TNRC6B: variants seen among roughly 807,000 people sequenced by gnomAD.
TNRC6B encodes the protein trinucleotide repeat-containing gene 6B protein.
Under a neutral mutation model 203.6 loss-of-function variants are expected in TNRC6B, and 52 were observed. The observed-to-expected ratio is 0.26, with a 90% confidence interval of 0.20 to 0.32. TNRC6B has a LOEUF of 0.32. Ranked by LOEUF, TNRC6B falls within the 10% of genes least tolerant of loss-of-function variation. The pLI, the probability that TNRC6B is intolerant of heterozygous loss-of-function variation, is 1.00. For missense variants in TNRC6B, 1,923 were observed against 2,286.2 expected (o/e 0.84, Z 3.24); for synonymous variants, 838 against 845.7 (o/e 0.99, Z 0.16).
At chr22:40,299,913 C>T (rs988849543) in intron 12 of TNRC6B, among the ~76,000 whole-genome samples, 12 of 152,232 alleles carry the variant, frequency 7.9e-5, no homozygotes, top group African/African-American at 2.4e-4. Flanking sequence ...GGGAGAAGGA[C>T]CCTGCCGGGT....
intron 12 of TNRC6B, among the ~76,000 whole-genome samples, chr22:40,293,113 C>T (rs2070890136): frequency 6.6e-6 from 1 of 151,606 alleles, no homozygotes; most frequent in Non-Finnish European, 1.5e-5. Context: ...ATTCTACTAC[C>T]AGGTCTACTG....
upstream of TNRC6B, among the ~76,000 whole-genome samples, chr22:40,173,797 T>TATATATATATATATAA (rs2069029070): frequency 2.3e-5 from 1 of 43,280 alleles, no homozygotes; most frequent in Non-Finnish European, 4.0e-5. Context: ...ATATATATTT[T>TATATATATATATATAA]TTTTTTTTTT....
At chr22:40,170,793 GTATA>G (rs1263910889) in intron 4 of TNRC6B, among the ~76,000 whole-genome samples, 14 of 58,610 alleles carry the variant, frequency 2.4e-4, no homozygotes, top group South Asian at 6.9e-4. Context: ...ATATATGTGT[GTATA>G]TATACATATA....
chr22:40,208,455 A>G (rs2069516124), intron 1 of TNRC6B, among the ~76,000 whole-genome samples: 1 of 152,250 alleles, frequency 6.6e-6, no homozygotes, highest in Admixed American at 6.5e-5. Context: ...TTACATTTAC[A>G]TGAATTTTAG....
intron 19 of TNRC6B, among the ~76,000 whole-genome samples, chr22:40,314,739 A>G (rs569044477): frequency 1.3e-5 from 2 of 152,276 alleles, no homozygotes; most frequent in African/African-American, 2.4e-5. Flanking sequence ...AATTGTTTCT[A>G]TTCCTCACAG....
intron 6 of TNRC6B, among the ~76,000 whole-genome samples, chr22:40,270,613 C>T (rs796270400): frequency 5.9e-5 from 9 of 152,156 alleles, no homozygotes; most frequent in African/African-American, 1.2e-4. Context: ...CCACCGTGCC[C>T]GGCCGGGATT....
chr22:40,075,152 ATATATTT>A (rs1430004704), intron 1 of TNRC6B, among the ~76,000 whole-genome samples: 1 of 65,188 alleles, frequency 1.5e-5, no homozygotes, highest in Non-Finnish European at 2.6e-5. Flanking sequence ...ATATATATAT[ATATATTT>A]TTTTTTTTTT....
intron 1 of TNRC6B, among the ~76,000 whole-genome samples, chr22:40,107,354 A>C (rs1207922003): frequency 6.6e-6 from 1 of 152,190 alleles, no homozygotes; most frequent in Non-Finnish European, 1.5e-5. Context: ...TAAATATTCT[A>C]TCCAGACTTT....
At position 40,280,072 on chromosome 22, in the gene TNRC6B, G is replaced by A. The variant is rs1446601093; in HGVS notation, c.3340G>A (p.Asp1114Asn). 2 of 1,613,790 alleles carry A rather than the reference G, an allele frequency of 1.2e-6. No homozygotes were observed. Among genetic ancestry groups the A allele is most frequent in the Admixed American group, 1.7e-5 (1 of 60,002 alleles). The change falls in exon 10 of 23, where the codon GAT (aspartate) becomes AAT (asparagine). Residue 1114 changes from aspartate to asparagine, a missense_variant. By Grantham distance (23) the Asp-to-Asn change is conservative. Coordinates refer to ENST00000454349, the MANE Select transcript of TNRC6B (RefSeq NM_001162501.2). ...GGATTTTAATGATATCATGAGGAAG[G>A]ATCGATCTGGGTTCCGTCCACCTAA... Reference protein sequence around the residue: ...LGDFNDIMRKDRSGFRPPNSK... With the variant: ...LGDFNDIMRKNRSGFRPPNSK...
At position 40,145,273 on chromosome 22, in the gene TNRC6B, A is replaced by G. The variant is rs147354253; in HGVS notation, c.46-10842A>G. ...AAGTAGAGAGAAATGAGATAAAAAT[A>G]AAATTCATTGAGCCTACACTTAAAG... On this transcript the variant is annotated intron_variant, in intron 3 of 23. Transcript: ENST00000301923. Among the ~76,000 whole-genome samples, 710 of 152,084 alleles carry G rather than the reference A, an allele frequency of 4.7e-3. 6 individuals are homozygous for G. The highest frequency in any genetic ancestry group is 0.015 in the African/African-American group (639 of 41,492).
At chr22:40,139,178 A>T (rs186276639) in intron 3 of TNRC6B, among the ~76,000 whole-genome samples, 1 of 152,268 alleles carries the variant, frequency 6.6e-6, no homozygotes, top group East Asian at 1.9e-4. Context: ...TTCCATATAA[A>T]TAGAATCATA....
At chr22:40,138,878 T>G (rs2068622482) in intron 3 of TNRC6B, among the ~76,000 whole-genome samples, 1 of 152,042 alleles carries the variant, frequency 6.6e-6, no homozygotes, top group African/African-American at 2.4e-5. Context: ...AAAATAAAGG[T>G]AAATTAAGGA....
At chr22:40,281,403 C>A in intron 11 of TNRC6B, 114 bp downstream of exon 11, 1 of 846,582 alleles carries the variant, frequency 1.2e-6, no homozygotes, top group Non-Finnish European at 1.7e-6. Context: ...ACTGAATGCA[C>A]AGAATGATAT....
At chr22:40,073,500 T>G (rs976146066) in intron 1 of TNRC6B, among the ~76,000 whole-genome samples, 2 of 152,180 alleles carry the variant, frequency 1.3e-5, no homozygotes, top group Admixed American at 6.5e-5. Flanking sequence ...ATTGGGGTTT[T>G]GGGGGTGCTG....
At chr22:40,234,629 C>A (rs951682476) in intron 1 of TNRC6B, among the ~76,000 whole-genome samples, 1 of 151,950 alleles carries the variant, frequency 6.6e-6, no homozygotes, top group Non-Finnish European at 1.5e-5. Context: ...ATTTTGTTAC[C>A]AACATATAAA....
intron 3 of TNRC6B, among the ~76,000 whole-genome samples, chr22:40,130,972 G>T (rs1408129929): frequency 3.3e-5 from 5 of 150,224 alleles, no homozygotes; most frequent in Non-Finnish European, 7.4e-5. Flanking sequence ...TGCGATCTCG[G>T]GTCACTGCAA....
rs186434971 is a variant in TNRC6B at position 40,278,058 on chromosome 22, C to G, written c.3262+14C>G. On this transcript the variant is annotated intron_variant, in intron 9 of 22. Coordinates refer to ENST00000454349, the MANE Select transcript of TNRC6B (RefSeq NM_001162501.2). ...ATTTGTCTGTAGGTGTGTATCACTCCGCTGAAAAGAATGGAGTATATCAGT... is the reference window on the plus strand; with the variant it reads ...ATTTGTCTGTAGGTGTGTATCACTCGGCTGAAAAGAATGGAGTATATCAGT... 6.4e-7 allele frequency: 1 copy of G among 1,555,628 alleles called. No individual in the cohort carries two copies. Among genetic ancestry groups the G allele is most frequent in the Non-Finnish European group, 8.7e-7 (1 of 1,146,978 alleles).
At chr22:40,208,926 T>G (rs1005368897) in intron 1 of TNRC6B, among the ~76,000 whole-genome samples, 2 of 152,218 alleles carry the variant, frequency 1.3e-5, no homozygotes, top group Non-Finnish European at 2.9e-5. Context: ...ACATTGGCAT[T>G]GAGAGGCGTC....
At chr22:40,068,770 G>T (rs1027400425) in intron 1 of TNRC6B, among the ~76,000 whole-genome samples, 1 of 151,824 alleles carries the variant, frequency 6.6e-6, no homozygotes, top group African/African-American at 2.4e-5. Flanking sequence ...TATTTCTACA[G>T]ATGAGGTCTC....
Sources: gnomAD v4.1 joint callset for allele counts (sites outside exome capture counted in the v4.1 genomes callset) on GRCh38, gnomAD v4.1.1 for gene constraint, MANE v1.5 for transcripts, NCBI Gene and HGNC (gene_info 2026-07-23, HGNC 2026-07-21) for gene names.